Variants in BMP6 observed in about 807,000 individuals in gnomAD.
BMP6 encodes the protein bone morphogenetic protein 6.
Under a neutral mutation model 54.1 loss-of-function variants are expected in BMP6, and 17 were observed. The ratio of observed to expected loss-of-function variants is 0.31; its 90% CI spans 0.22 to 0.47. BMP6 has a LOEUF of 0.47. BMP6 is among the 20% of genes least tolerant of loss of function. The pLI, the probability that BMP6 is intolerant of heterozygous loss-of-function variation, is 1.00. For synonymous variants in BMP6, 328 were observed against 291.2 expected, an observed-to-expected ratio of 1.13 and a Z score of -1.28; for missense variants, 720 against 690.4, an observed-to-expected ratio of 1.04 and a Z score of -0.48.
At chr6:7,742,638 A>G (rs1378280991) in intron 1 of BMP6, among the ~76,000 whole-genome samples, 1 of 152,178 alleles carries the variant, frequency 6.6e-6, no homozygotes, top group African/African-American at 2.4e-5. Context: ...GTTGCCCGAA[A>G]CAGATGTGCA....
chr6:7,878,990 G>A, intron 4 of BMP6, 84 bp from the exon 5 acceptor site: 1 of 1,354,022 alleles, frequency 7.4e-7, no homozygotes, highest in Non-Finnish European at 1.1e-6. Flanking sequence ...ACAGAGCCTG[G>A]CATGTGGTAA....
At chr6:7,790,506 C>T (rs1303292033) in intron 1 of BMP6, among the ~76,000 whole-genome samples, 2 of 121,348 alleles carry the variant, frequency 1.6e-5, no homozygotes, top group Admixed American at 2.0e-4. Context: ...CACAGTGAGA[C>T]CCTGTCTCAA....
At chr6:7,808,211 C>T (rs529506280) in intron 1 of BMP6, among the ~76,000 whole-genome samples, 24 of 152,214 alleles carry the variant, frequency 1.6e-4, no homozygotes, top group South Asian at 4.1e-4. Flanking sequence ...TGAGCCACCG[C>T]GCCCGGCCTT....
Position 7,773,390 on chromosome 6 carries a change from C to T in BMP6, c.664+45771C>T, listed in dbSNP as rs139804892. Among the ~76,000 whole-genome samples the T allele has an allele frequency of 9.9e-4, 150 of 152,256 alleles. 2 individuals are homozygous for T. The highest frequency in any genetic ancestry group is 8.6e-3 in the Admixed American group (132 of 15,294). On this transcript the variant is annotated intron_variant, in intron 1 of 6. Transcript: ENST00000283147. ...CCTGTTGTTAAGTGTTCATTCGCCC[C>T]GGTGCATTTTCCTAGTGAAGGTGGT... is the stretch of plus-strand genomic sequence containing the variant.
At chr6:7,782,840 G>A (rs377337017) in intron 1 of BMP6, among the ~76,000 whole-genome samples, 13 of 152,232 alleles carry the variant, frequency 8.5e-5, no homozygotes, top group African/African-American at 1.9e-4. Context: ...GAGGAAAACC[G>A]GAGTTCTGAG....
intron 1 of BMP6, among the ~76,000 whole-genome samples, chr6:7,732,214 C>G (rs1761873583): frequency 6.6e-6 from 1 of 150,806 alleles, no homozygotes; most frequent in Admixed American, 6.6e-5. Context: ...CTGCAAGCTA[C>G]TCACAGCAAA....
intron 1 of BMP6, among the ~76,000 whole-genome samples, chr6:7,808,078 A>C (rs1297675429): frequency 2.0e-5 from 3 of 150,484 alleles, no homozygotes; most frequent in Admixed American, 1.3e-4. Flanking sequence ...CCGCCACCAC[A>C]CCCGGCTAAT....
intron 1 of BMP6, among the ~76,000 whole-genome samples, chr6:7,754,339 G>C (rs1163863940): frequency 1.3e-5 from 2 of 152,114 alleles, no homozygotes; most frequent in African/African-American, 4.8e-5. Context: ...AAACTCCTGA[G>C]CTCAAGCGAT....
At chr6:7,767,976 C>T (rs916883814) in intron 1 of BMP6, among the ~76,000 whole-genome samples, 7 of 151,940 alleles carry the variant, frequency 4.6e-5, no homozygotes, top group Admixed American at 4.6e-4. Context: ...CTTTAATGAC[C>T]CTGTGCCCTG....
chr6:7,766,952 T>TTTTA (rs909291653), intron 1 of BMP6, among the ~76,000 whole-genome samples: 1 of 96,576 alleles, frequency 1.0e-5, no homozygotes, highest in Non-Finnish European at 2.7e-5. Flanking sequence ...TATTTTTATT[T>TTTTA]TTTATTTATT....
chr6:7,745,571 T>C (rs1757334009), intron 1 of BMP6, among the ~76,000 whole-genome samples: 2 of 152,226 alleles, frequency 1.3e-5, no homozygotes, highest in Non-Finnish European at 2.9e-5. Context: ...ATGCTCAGCC[T>C]TGAATAAAAG....
chr6:7,766,003 AAAAATCTTACCTTAAGCATTCCTGGAAG>A (rs1757681438), intron 1 of BMP6, among the ~76,000 whole-genome samples: 1 of 152,102 alleles, frequency 6.6e-6, no homozygotes, highest in South Asian at 2.1e-4. Context: ...TCTCCATCTC[AAAAATCTTACCTTAAGCATTCCTGGAAG>A]ATATTCACAG....
intron 1 of BMP6, among the ~76,000 whole-genome samples, chr6:7,837,705 G>A (rs973894961): frequency 7.2e-5 from 11 of 152,028 alleles, no homozygotes; most frequent in Non-Finnish European, 1.5e-4. Flanking sequence ...CTGCTTGGGC[G>A]ATGGGTGCAC....
At chr6:7,742,967 A>G (rs1454441253) in intron 1 of BMP6, among the ~76,000 whole-genome samples, 1 of 152,186 alleles carries the variant, frequency 6.6e-6, no homozygotes, top group East Asian at 1.9e-4. Flanking sequence ...GTGAGATATA[A>G]ACACTTTCAT....
At chr6:7,779,586 TGCCTCG>T (rs1299397787) in intron 1 of BMP6, among the ~76,000 whole-genome samples, 1 of 152,184 alleles carries the variant, frequency 6.6e-6, no homozygotes, top group African/African-American at 2.4e-5. Flanking sequence ...GTGATCTGCC[TGCCTCG>T]GCCTCCCAAA....
At position 7,726,873 on chromosome 6, in the gene BMP6, A is replaced by C. The variant is rs2113093882; in HGVS notation, c.-83A>C. 1.1e-6 allele frequency: 1 copy of C among 903,158 alleles called. No individual in the cohort carries two copies. Among genetic ancestry groups the C allele is most frequent in the South Asian group, 5.2e-5 (1 of 19,368 alleles). 55.9% of individuals were successfully genotyped at this position (903,158 alleles called of 1,614,324 possible). A position where few individuals can be genotyped will look rare whatever the true frequency, so the allele number is the denominator to read the frequency against. On this transcript the variant is annotated 5_prime_UTR_variant, in exon 1 of 7. Coordinates refer to ENST00000283147, the MANE Select transcript of BMP6 (RefSeq NM_001718.6). ...AGAGGTGGCGGGGACTGCTCACGCC[A>C]AGGGCCACAGCGGCCGCGCTCCGGC... is the stretch of plus-strand genomic sequence containing the variant.
chr6:7,732,324 T>C (rs188123402), intron 1 of BMP6, among the ~76,000 whole-genome samples: 11 of 152,294 alleles, frequency 7.2e-5, no homozygotes, highest in African/African-American at 2.6e-4. Context: ...CAGTGGCATT[T>C]CAACAAAAAA....
At chr6:7,856,747 C>A (rs1166819828) in intron 2 of BMP6, among the ~76,000 whole-genome samples, 2 of 150,178 alleles carry the variant, frequency 1.3e-5, no homozygotes, top group African/African-American at 4.9e-5. Context: ...CAGGCGCCCG[C>A]CACTACGCCC....
At chr6:7,828,409 C>T (rs762345112) in intron 1 of BMP6, among the ~76,000 whole-genome samples, 116 of 152,184 alleles carry the variant, frequency 7.6e-4, no homozygotes, top group Non-Finnish European at 1.2e-3. Flanking sequence ...GTGCACCCTG[C>T]GGTGGTATTT....
Sources: allele counts gnomAD v4.1 joint callset (sites outside exome capture counted in the v4.1 genomes callset), GRCh38; gene constraint gnomAD v4.1.1; transcripts MANE v1.5; gene names NCBI Gene and HGNC (gene_info 2026-07-23, HGNC 2026-07-21).